The following PCDH15 variants were observed in gnomAD, a reference collection of about 807,000 sequenced individuals.
PCDH15 encodes the protein protocadherin-15.
Under a neutral mutation model 178.5 loss-of-function variants are expected in PCDH15, and 129 were observed. The ratio of observed to expected loss-of-function variants is 0.72; its 90% CI spans 0.63 to 0.84. The LOEUF (loss-of-function observed/expected upper bound fraction) is 0.84. Ranked by LOEUF, PCDH15 falls within the 40% of genes least tolerant of loss-of-function variation. The pLI, the probability that PCDH15 is intolerant of heterozygous loss-of-function variation, is 0.00. For missense variants in PCDH15, 2,230 were observed against 2,099.9 expected (o/e 1.06, Z -1.21); for synonymous variants, 800 against 732.0 (o/e 1.09, Z -1.50).
At chr10:55,507,717 G>A (rs879470663) in intron 2 of PCDH15, among the ~76,000 whole-genome samples, 3 of 117,910 alleles carry the variant, frequency 2.5e-5, no homozygotes. Flanking sequence ...TGAATGATTC[G>A]TATAATTTGA....
At chr10:55,502,813 C>T (rs1023584014) in intron 2 of PCDH15, among the ~76,000 whole-genome samples, 2 of 151,482 alleles carry the variant, frequency 1.3e-5, no homozygotes, top group Admixed American at 6.6e-5. Flanking sequence ...GTAGTACACA[C>T]CAAAAATTTA....
chr10:55,607,885 A>T (rs1843266118), intron 2 of PCDH15, among the ~76,000 whole-genome samples: 1 of 151,878 alleles, frequency 6.6e-6, no homozygotes, highest in Admixed American at 6.6e-5. Flanking sequence ...GTACCCTAAA[A>T]CTTAAAGTAT....
intron 3 of PCDH15, among the ~76,000 whole-genome samples, chr10:54,514,022 C>T (rs146388420): frequency 6.6e-6 from 1 of 152,162 alleles, no homozygotes; most frequent in Non-Finnish European, 1.5e-5. Flanking sequence ...CACAGGCTTA[C>T]AAAATTCTGT....
intron 2 of PCDH15, among the ~76,000 whole-genome samples, chr10:54,653,827 T>G (rs2094317121): frequency 6.6e-6 from 1 of 152,214 alleles, no homozygotes; most frequent in African/African-American, 2.4e-5. Flanking sequence ...CCAAAATGTT[T>G]TAACAGTTAG....
At chr10:54,292,423 G>A (rs2059476875) in intron 8 of PCDH15, among the ~76,000 whole-genome samples, 1 of 152,190 alleles carries the variant, frequency 6.6e-6, no homozygotes, top group Admixed American at 6.5e-5. Flanking sequence ...AGACAGGGAT[G>A]TCCTCTCTCA....
Position 54,769,090 on chromosome 10 carries a change from T to C in PCDH15, c.-29+31835A>G, listed in dbSNP as rs1948812428. 2.0e-5 allele frequency among the ~76,000 whole-genome samples: 3 copies of C among 152,148 alleles called. No homozygotes were observed. In the South Asian group the frequency reaches 6.2e-4, roughly 31 times the overall value. The stretch of plus-strand genomic sequence containing the variant: ...TTAAAACAGATGAAATTTTTGTATA[T>C]AATATATCAGATTTCAGTGAGTTGT... On this transcript the variant is annotated intron_variant, in intron 1 of 37. Transcript: ENST00000644397.
chr10:54,991,531 G>A (rs1039827518), intron 2 of PCDH15, among the ~76,000 whole-genome samples: 1 of 151,888 alleles, frequency 6.6e-6, no homozygotes, highest in African/African-American at 2.4e-5. Context: ...ATACACACAG[G>A]GTCACAGACA....
chr10:55,387,087 T>A (rs1485315979), intron 2 of PCDH15, among the ~76,000 whole-genome samples: 5 of 152,128 alleles, frequency 3.3e-5, no homozygotes, highest in Admixed American at 2.6e-4. Context: ...TTTGATTTTT[T>A]AAAATATCGT....
intron 5 of PCDH15, among the ~76,000 whole-genome samples, chr10:54,357,174 G>A (rs1218893710): frequency 6.6e-6 from 1 of 152,062 alleles, no homozygotes; most frequent in Non-Finnish European, 1.5e-5. Context: ...AGTTAGGCAG[G>A]AGAAGGAAAT....
At chr10:54,908,802 A>C (rs1167311239) in intron 2 of PCDH15, among the ~76,000 whole-genome samples, 1 of 151,738 alleles carries the variant, frequency 6.6e-6, no homozygotes, top group Non-Finnish European at 1.5e-5. Context: ...AGCTCTCAGC[A>C]GAGAGGGTAG....
At chr10:53,861,506 C>T (rs1033126159) in intron 27 of PCDH15, among the ~76,000 whole-genome samples, 1 of 151,948 alleles carries the variant, frequency 6.6e-6, no homozygotes, top group African/African-American at 2.4e-5. Context: ...TTCCTCTATA[C>T]TCTCATAAAT....
At chr10:55,377,368 C>G (rs1336913655) in intron 2 of PCDH15, among the ~76,000 whole-genome samples, 3 of 151,684 alleles carry the variant, frequency 2.0e-5, no homozygotes, top group Non-Finnish European at 2.9e-5. Flanking sequence ...TAAAGTCTAT[C>G]TTATTAAAAT....
At chr10:54,478,569 A>T (rs2078451064) in intron 3 of PCDH15, among the ~76,000 whole-genome samples, 2 of 152,180 alleles carry the variant, frequency 1.3e-5, no homozygotes, top group African/African-American at 4.8e-5. Flanking sequence ...CACAATACTC[A>T]TAATTAACAT....
chr10:54,707,993 A>G (rs4935545), intron 1 of PCDH15, among the ~76,000 whole-genome samples: 18,508 of 152,166 alleles, frequency 0.12, 1,267 homozygotes, highest in African/African-American at 0.17. Flanking sequence ...TGAGTTAAGT[A>G]AGTAAATAAG....
chr10:54,105,965 G>T (rs562809278), intron 15 of PCDH15, among the ~76,000 whole-genome samples: 1 of 152,242 alleles, frequency 6.6e-6, no homozygotes, highest in East Asian at 1.9e-4. Flanking sequence ...AAAAAATAAT[G>T]AAATATCAAT....
intron 1 of PCDH15, among the ~76,000 whole-genome samples, chr10:55,314,703 A>T (rs540797510): frequency 2.6e-5 from 4 of 152,298 alleles, no homozygotes; most frequent in Admixed American, 1.3e-4. Context: ...AATGTAGTAG[A>T]ATTGTCTTCT....
At chr10:54,818,342 C>T (rs568251910) in intron 3 of PCDH15, among the ~76,000 whole-genome samples, 3 of 152,170 alleles carry the variant, frequency 2.0e-5, no homozygotes, top group East Asian at 3.9e-4. Context: ...GCTTTCCAGA[C>T]TAGATGGCCA....
In PCDH15 at chr10:54,660,289, G is replaced by A. The variant is rs534605168; in HGVS notation, c.91+3883C>T. ...CACAGAAATACAAAATATATTCAGA[G>A]TAGTCTATGTAAATTCTCAGAGAGT... On this transcript the variant is annotated intron_variant, in intron 2 of 37. Coordinates refer to ENST00000644397, the MANE Select transcript of PCDH15 (RefSeq NM_001384140.1). 2.0e-5 allele frequency among the ~76,000 whole-genome samples: 3 copies of A among 152,158 alleles called. No individual in the cohort carries two copies. In the South Asian group the frequency reaches 6.2e-4, roughly 32 times the overall value.
At chr10:54,997,010 G>A (rs191505352) in intron 2 of PCDH15, among the ~76,000 whole-genome samples, 4 of 151,794 alleles carry the variant, frequency 2.6e-5, no homozygotes, top group Admixed American at 6.6e-5. Context: ...TCAGGAGGCC[G>A]AGACAGAAGA....
Sources: allele counts gnomAD v4.1 joint callset (sites outside exome capture counted in the v4.1 genomes callset), GRCh38; gene constraint gnomAD v4.1.1; transcripts MANE v1.5; gene names NCBI Gene and HGNC (gene_info 2026-07-23, HGNC 2026-07-21).